ELAC2: variants seen among roughly 807,000 people sequenced by gnomAD.
The protein encoded by ELAC2 is elaC ribonuclease Z 2, also known as zinc phosphodiesterase ELAC protein 2.
ELAC2 carries 92 observed loss-of-function variants against 105.2 expected under a neutral mutation model. The observed-to-expected ratio is 0.87, with a 90% CI of 0.74 to 1.04. ELAC2 has a LOEUF of 1.04. Ranked by LOEUF, ELAC2 falls within the 50% of genes least tolerant of loss-of-function variation. The probability of loss-of-function intolerance (pLI) is 0.00; values close to 1 mark genes in which losing one functional copy is unlikely to be tolerated. For missense variants in ELAC2, 1,099 were observed against 1,071.7 expected, an observed-to-expected ratio of 1.03 and a Z score of -0.36; for synonymous variants, 468 against 409.1, an observed-to-expected ratio of 1.14 and a Z score of -1.74.
rs1461029143 is a variant in ELAC2 at position 13,017,918 on chromosome 17, G to A, written c.30C>T (p.Ser10=). 2.6e-6 allele frequency: 4 copies of A among 1,540,228 alleles called. No individual in the cohort carries two copies. The South Asian group carries it at 4.8e-5, about 18-fold the overall frequency. The change falls in exon 1 of 24, where the codon TCC becomes TCT. Residue 10 remains serine (S), a synonymous_variant. Transcript: ENST00000338034. MWALCSLLR[S]AAGRTMSQGR... ...CCTGCGACATGGTGCGTCCGGCCGCGGACCGCAGCAGCGAGCAAAGCGCCC... is the reference window on the plus strand; with the variant it reads ...CCTGCGACATGGTGCGTCCGGCCGCAGACCGCAGCAGCGAGCAAAGCGCCC...
Position 12,994,800 on chromosome 17 carries a change from C to T in ELAC2, c.1993G>A (p.Gly665Arg), listed in dbSNP as rs777258865. ...AGAGCCTCGCAGGGCATGGTGTCCC[C>T]GGAATAGACCACTTTCCAGCCAGAG... ...HTSGWKVVYS[G>R]DTMPCEALVR... Residue 665 changes from glycine to arginine, a missense_variant, in exon 21 of 24, where the codon GGG (glycine) becomes AGG (arginine). Coordinates refer to ENST00000338034, the MANE Select transcript of ELAC2 (RefSeq NM_018127.7). The T allele has an allele frequency of 1.5e-5, 24 of 1,613,886 alleles. No individual in the cohort carries two copies. Among genetic ancestry groups the T allele is most frequent in the South Asian group, 6.6e-5 (6 of 91,086 alleles).
rs1462935509 is a variant in ELAC2 at position 12,996,063 on chromosome 17, G to T, written c.1660-85C>A. On this transcript the variant is annotated intron_variant, in intron 17 of 23. Transcript: ENST00000338034. Reference sequence around the variant, plus strand: ...GGGTCTGCAGCCCTCTCTCTTGCAGGAGTTGCCAGCCCGACGTCACCCACC... The same window carrying T: ...GGGTCTGCAGCCCTCTCTCTTGCAGTAGTTGCCAGCCCGACGTCACCCACC... The T allele has an allele frequency of 7.5e-6, 11 of 1,471,910 alleles. No individual in the cohort carries two copies. In the Admixed American group the frequency reaches 2.0e-4, roughly 26 times the overall value. The allele number at this position is 1,471,910 out of a possible 1,614,324, so 91.2% of individuals were successfully genotyped here. A position where few individuals can be genotyped will look rare whatever the true frequency, so the allele number is the denominator to read the frequency against.
At position 12,992,258 on chromosome 17, in the gene ELAC2, C is replaced by A. The variant is rs965144012; in HGVS notation, c.*560G>T. 1.2e-5 allele frequency: 3 copies of A among 240,536 alleles called. No homozygotes were observed. Among genetic ancestry groups the A allele is most frequent in the Non-Finnish European group, 2.5e-5 (3 of 121,918 alleles). The allele number at this position is 240,536 out of a possible 1,614,324, so 14.9% of individuals were successfully genotyped here. A position where few individuals can be genotyped will look rare whatever the true frequency, so the allele number is the denominator to read the frequency against. Reference sequence around the variant, plus strand: ...CAGGTTCCAGAGGTGCTCACTACGACGGGAGCTGACTTCTTCCAAGCCACC... The same window carrying A: ...CAGGTTCCAGAGGTGCTCACTACGAAGGGAGCTGACTTCTTCCAAGCCACC... On this transcript the variant is annotated 3_prime_UTR_variant, in exon 24 of 24. Transcript: ENST00000338034.
At chr17:12,994,579 C>G (rs1483782861) in intron 21 of ELAC2, 76 bp from the exon 22 acceptor site, 1 of 1,599,224 alleles carries the variant, frequency 6.3e-7, no homozygotes. Context: ...GTGCTGTTTC[C>G]TGGTCTCAAC....
intron 6 of ELAC2, 152 bp from the exon 7 acceptor site, chr17:13,011,934 C>T (rs2041438337): frequency 7.6e-7 from 1 of 1,308,776 alleles, no homozygotes; most frequent in African/African-American, 1.5e-5. Flanking sequence ...TAACTTCCTA[C>T]CTGGTTTCTG....
intron 8 of ELAC2, among the ~76,000 whole-genome samples, chr17:13,008,951 T>C (rs947421953): frequency 1.3e-5 from 2 of 152,230 alleles, no homozygotes; most frequent in African/African-American, 4.8e-5. Context: ...TGCCCGAGTG[T>C]GTAAAAGTGA....
rs1033730754 is a variant in ELAC2, at chr17:12,994,505, T to C, written c.2030-2A>G. ...GTATCAGGAGGGTGGCATCTTTCCC[T>C]GGAGAAGCAGCACAAGGATCAGGGC... On this transcript the variant is annotated splice_acceptor_variant, in intron 21 of 23. Coordinates refer to ENST00000338034, the MANE Select transcript of ELAC2 (RefSeq NM_018127.7). LOFTEE classifies it high-confidence loss of function. The C allele has an allele frequency of 4.3e-6, 7 of 1,614,050 alleles. No individual in the cohort carries two copies. In the African/African-American group the frequency reaches 5.3e-5, roughly 12 times the overall value.
chr17:13,008,404 C>T (rs946534312), intron 8 of ELAC2, among the ~76,000 whole-genome samples: 4 of 151,512 alleles, frequency 2.6e-5, no homozygotes, highest in African/African-American at 4.9e-5. Context: ...CCCAGCTACT[C>T]GGGAGGCTGA....
rs773906264 is a variant in ELAC2, at chr17:12,993,790, G to A, written c.2150C>T (p.Ala717Val). Reference sequence around the variant, plus strand: ...GAAGTGGTTCAGCATAATGAACTCCGCGTTCATCCGCATCCCCACGCTGAT... The same window carrying A: ...GAAGTGGTTCAGCATAATGAACTCCACGTTCATCCGCATCCCCACGCTGAT... The part of the protein sequence containing the change: ...QAISVGMRMN[A>V]EFIMLNHFSQ... Residue 717 changes from alanine (A) to valine (V), a missense_variant, in exon 23 of 24, where the codon GCG becomes GTG. Physicochemically the swap from Ala to Val is moderately conservative, Grantham distance 64. Coordinates refer to ENST00000338034, the MANE Select transcript of ELAC2 (RefSeq NM_018127.7). 1.4e-5 allele frequency: 23 copies of A among 1,614,052 alleles called. No homozygotes were observed. Among genetic ancestry groups the A allele is most frequent in the Non-Finnish European group, 1.9e-5 (22 of 1,180,046 alleles).
At chr17:13,016,165 C>T (rs1014087543) in intron 3 of ELAC2, among the ~76,000 whole-genome samples, 2 of 152,232 alleles carry the variant, frequency 1.3e-5, no homozygotes, top group African/African-American at 4.8e-5. Flanking sequence ...ACTGGTCTAA[C>T]ACTTCACTCC....
At chr17:13,007,146 T>C (rs901935174) in intron 8 of ELAC2, among the ~76,000 whole-genome samples, 2 of 150,742 alleles carry the variant, frequency 1.3e-5, no homozygotes, top group East Asian at 1.9e-4. Flanking sequence ...AACCCTAATA[T>C]GCTATTACAT....
At chr17:13,015,705 T>C in intron 4 of ELAC2, 63 bp downstream of exon 4, 1 of 1,447,226 alleles carries the variant, frequency 6.9e-7, no homozygotes, top group South Asian at 1.1e-5. Context: ...AAAAGGAAAA[T>C]TCTTGTTACT....
At chr17:12,996,372 C>T in intron 17 of ELAC2, 175 bp downstream of exon 17, 1 of 890,552 alleles carries the variant, frequency 1.1e-6, no homozygotes, top group Non-Finnish European at 1.8e-6. Context: ...AGAAGACATT[C>T]TTGTGGCGCA....
At chr17:13,002,680 A>G (rs1325193130) in intron 12 of ELAC2, 101 bp from the exon 13 acceptor site, 3 of 1,534,132 alleles carry the variant, frequency 2.0e-6, no homozygotes, top group Admixed American at 2.0e-5. Context: ...TGAGGTGTTC[A>G]AACAGTTCAG....
At chr17:13,002,625 G>C in intron 12 of ELAC2, 46 bp from the exon 13 acceptor site, 1 of 1,565,818 alleles carries the variant, frequency 6.4e-7, no homozygotes, top group Non-Finnish European at 8.7e-7. Context: ...TTAGGAGGCA[G>C]CTCCCCCTGA....
chr17:13,016,976 A>G, intron 2 of ELAC2, 44 bp from the exon 3 acceptor site: 2 of 1,613,226 alleles, frequency 1.2e-6, no homozygotes, highest in South Asian at 1.1e-5. Context: ...TGAACAGAAC[A>G]AGGACCACTT....
At chr17:13,015,362 C>CT (rs1285949873) in intron 4 of ELAC2, among the ~76,000 whole-genome samples, 6 of 152,158 alleles carry the variant, frequency 3.9e-5, no homozygotes, top group African/African-American at 1.4e-4. Context: ...ACACACACGC[C>CT]TTCTCAAGAG....
intron 16 of ELAC2, 111 bp downstream of exon 16, chr17:12,998,301 G>A (rs1015130854): frequency 5.7e-6 from 6 of 1,055,252 alleles, no homozygotes; most frequent in East Asian, 5.0e-5. Context: ...GACATGACAA[G>A]TGACAGGGCT....
At chr17:12,993,634 G>A in intron 23 of ELAC2, 53 bp downstream of exon 23, 1 of 1,612,634 alleles carries the variant, frequency 6.2e-7, no homozygotes, top group Non-Finnish European at 8.5e-7. Flanking sequence ...AGTGTGTAGA[G>A]TCCTGTCTCC....
Sources: allele counts gnomAD v4.1 joint callset (sites outside exome capture counted in the v4.1 genomes callset), GRCh38; gene constraint gnomAD v4.1.1; transcripts MANE v1.5; gene names NCBI Gene and HGNC (gene_info 2026-07-23, HGNC 2026-07-21).